The following RMND1 variants were observed in gnomAD, a reference collection of about 807,000 sequenced individuals.
The protein encoded by RMND1 is required for meiotic nuclear division 1 homolog.
In RMND1, 41 loss-of-function variants were observed where a neutral mutation model predicts 54.0. The ratio of observed to expected loss-of-function variants is 0.76; its 90% confidence interval spans 0.59 to 0.98. RMND1 has a LOEUF of 0.98. Ranked by LOEUF, RMND1 falls within the 50% of genes least tolerant of loss-of-function variation. The pLI, the probability that RMND1 is intolerant of heterozygous loss-of-function variation, is 0.00. For synonymous variants in RMND1, 183 were observed against 181.7 expected (o/e 1.01, Z -0.06); for missense variants, 457 against 532.0 (o/e 0.86, Z 1.39).
At chr6:151,409,281 G>A (rs1274233430) in intron 10 of RMND1, among the ~76,000 whole-genome samples, 1 of 152,192 alleles carries the variant, frequency 6.6e-6, no homozygotes, top group Non-Finnish European at 1.5e-5. Context: ...TATCATACAG[G>A]CTTTCAATAA....
chr6:151,445,190 A>G (rs1280752761), intron 2 of RMND1, 118 bp downstream of exon 2: 1 of 996,600 alleles, frequency 1.0e-6, no homozygotes, highest in Non-Finnish European at 1.4e-6. Context: ...ACCTTGATGA[A>G]GAAGTCTGAG....
At chr6:151,439,407 C>T in intron 2 of RMND1, among the ~76,000 whole-genome samples, 1 of 152,218 alleles carries the variant, frequency 6.6e-6, no homozygotes, top group East Asian at 1.9e-4. Context: ...CTTCTCTGCA[C>T]AGTGGCATGT....
chr6:151,420,665 A>G (rs1269847114), intron 9 of RMND1: 3 of 152,214 alleles, frequency 2.0e-5, no homozygotes, highest in African/African-American at 7.2e-5. Context: ...CTTGAGACTT[A>G]CTTGTCTTTG....
At chr6:151,420,024 T>A (rs1402320454) in intron 9 of RMND1, among the ~76,000 whole-genome samples, 2 of 152,222 alleles carry the variant, frequency 1.3e-5, no homozygotes, top group Non-Finnish European at 2.9e-5. Context: ...CACAGATGTA[T>A]CACATTCCTT....
chr6:151,419,693 A>G, intron 9 of RMND1, among the ~76,000 whole-genome samples: 1 of 150,018 alleles, frequency 6.7e-6, no homozygotes, highest in East Asian at 2.0e-4. Context: ...AAAAAAAAGT[A>G]ACACATACAT....
intron 10 of RMND1, among the ~76,000 whole-genome samples, chr6:151,407,372 A>G (rs983317790): frequency 6.6e-6 from 1 of 151,778 alleles, no homozygotes; most frequent in East Asian, 1.9e-4. Flanking sequence ...CTTGGTCTTT[A>G]ATGTTCATCC....
At chr6:151,442,257 G>C (rs1376809578) in intron 2 of RMND1, among the ~76,000 whole-genome samples, 1 of 150,876 alleles carries the variant, frequency 6.6e-6, no homozygotes, top group Non-Finnish European at 1.5e-5. Context: ...ATTAAACATA[G>C]TACATATACA....
At chr6:151,412,480 G>A (rs995803708) in intron 10 of RMND1, among the ~76,000 whole-genome samples, 1 of 152,124 alleles carries the variant, frequency 6.6e-6, no homozygotes, top group Non-Finnish European at 1.5e-5. Flanking sequence ...AACAAAGAGA[G>A]CACAGCAAAA....
intron 2 of RMND1, among the ~76,000 whole-genome samples, chr6:151,443,322 C>CT (rs1006972855): frequency 1.3e-5 from 2 of 151,978 alleles, no homozygotes; most frequent in African/African-American, 4.8e-5. Context: ...ATTTTCTTCT[C>CT]TTTTTTTGAG....
At chr6:151,407,222 C>G (rs987180704) in intron 10 of RMND1, among the ~76,000 whole-genome samples, 2 of 152,164 alleles carry the variant, frequency 1.3e-5, no homozygotes, top group South Asian at 2.1e-4. Flanking sequence ...CCATTTGCCC[C>G]TATTTCCAGG....
rs141047961 is a variant in RMND1, at chr6:151,406,145, A to G, written c.1201-309T>C. Among the ~76,000 whole-genome samples the G allele has an allele frequency of 7.9e-5, 12 of 152,312 alleles. No individual in the cohort carries two copies. In the South Asian group the frequency reaches 1.9e-3, roughly 24 times the overall value. On this transcript the variant is annotated intron_variant, in intron 10 of 11. Transcript: ENST00000444024. ...AGCAGTTAAAAGAGGCAAACTTGAA[A>G]CATAATGTTTTTTAGCAAGACCTAA...
chr6:151,448,581 C>T (rs1377278665), intron 1 of RMND1, among the ~76,000 whole-genome samples: 9 of 152,148 alleles, frequency 5.9e-5, no homozygotes, highest in Admixed American at 2.0e-4. Context: ...ATCCCAAGGG[C>T]CTTCTAGGGA....
rs1181761511 is a variant in RMND1, at chr6:151,450,410, C to T, written c.-15+1606G>A. 6.8e-5 allele frequency among the ~76,000 whole-genome samples: 8 copies of T among 118,008 alleles called. 1 individual carries two copies. Among genetic ancestry groups the T allele is most frequent in the African/African-American group, 2.4e-4 (8 of 33,964 alleles). 77.4% of individuals were successfully genotyped at this position (118,008 alleles called of 152,430 possible). A position where few individuals can be genotyped will look rare whatever the true frequency, so the allele number is the denominator to read the frequency against. The stretch of plus-strand genomic sequence containing the variant: ...CCCCATCCGGGAGGGAGGTGGGGGT[C>T]AGCCCCCCGCCCGGCCAGCCACCCC... On this transcript the variant is annotated intron_variant, in intron 1 of 11. Transcript: ENST00000444024.
intron 10 of RMND1, among the ~76,000 whole-genome samples, chr6:151,408,350 G>A (rs988855026): frequency 1.3e-5 from 2 of 152,160 alleles, no homozygotes; most frequent in Admixed American, 6.5e-5. Flanking sequence ...AAATTAGCTG[G>A]GTGTGGTGGC....
chr6:151,442,676 C>A (rs539362945), intron 2 of RMND1, among the ~76,000 whole-genome samples: 1 of 150,738 alleles, frequency 6.6e-6, no homozygotes, highest in African/African-American at 2.4e-5. Flanking sequence ...ACTACAGCTG[C>A]GCACCAGCAA....
At chr6:151,441,646 A>G (rs1324991274) in intron 2 of RMND1, among the ~76,000 whole-genome samples, 1 of 152,136 alleles carries the variant, frequency 6.6e-6, no homozygotes, top group African/African-American at 2.4e-5. Context: ...AAAAACACCC[A>G]GATGATGGGG....
intron 1 of RMND1, among the ~76,000 whole-genome samples, chr6:151,447,296 A>C (rs921976935): frequency 6.6e-6 from 1 of 151,860 alleles, no homozygotes; most frequent in Non-Finnish European, 1.5e-5. Context: ...CTTTTAACTC[A>C]GAGTCACACG....
rs551505014 is a variant in RMND1, at chr6:151,430,308, T to G, written c.690-131A>C. 19 of 609,094 alleles carry G rather than the reference T, an allele frequency of 3.1e-5. No individual in the cohort carries two copies. In the South Asian group the frequency reaches 4.3e-4, roughly 14 times the overall value. 37.7% of individuals were successfully genotyped at this position (609,094 alleles called of 1,614,324 possible). A position where few individuals can be genotyped will look rare whatever the true frequency, so the allele number is the denominator to read the frequency against. On this transcript the variant is annotated intron_variant, in intron 4 of 11. Coordinates refer to ENST00000444024, the MANE Select transcript of RMND1 (RefSeq NM_017909.4). ...TTCAAAATATGATGGTACTTACTAA[T>G]TTGATATTATGGTCCTTAGGTGAAC...
intron 3 of RMND1, 118 bp from the exon 4 acceptor site, chr6:151,433,348 T>C (rs1780499395): frequency 3.7e-6 from 2 of 539,446 alleles, no homozygotes; most frequent in Non-Finnish European, 6.4e-6. Flanking sequence ...CATGGAGTGC[T>C]CTGTAACACA....
Sources: gnomAD v4.1 joint callset for allele counts (sites outside exome capture counted in the v4.1 genomes callset) on GRCh38, gnomAD v4.1.1 for gene constraint, MANE v1.5 for transcripts, NCBI Gene and HGNC (gene_info 2026-07-23, HGNC 2026-07-21) for gene names.